Variants in KIF11 observed in about 807,000 individuals in gnomAD.
KIF11 encodes the protein kinesin-like protein KIF11.
Under a neutral mutation model 121.0 loss-of-function variants are expected in KIF11, and 9 were observed. The observed-to-expected ratio is 0.07, with a 90% CI of 0.04 to 0.13. The LOEUF (loss-of-function observed/expected upper bound fraction) is 0.13, where lower values mean the gene tolerates loss of function less well. Ranked by LOEUF, KIF11 falls within the 10% of genes least tolerant of loss-of-function variation. The pLI is 1.00. For missense variants in KIF11, 846 were observed against 1,217.5 expected, an observed-to-expected ratio of 0.69 and a Z score of 4.54; for synonymous variants, 408 against 421.0, an observed-to-expected ratio of 0.97 and a Z score of 0.38.
chr10:92,597,947 G>T (rs556255111), intron 1 of KIF11, among the ~76,000 whole-genome samples: 1 of 149,872 alleles, frequency 6.7e-6, no homozygotes, highest in South Asian at 2.2e-4. Flanking sequence ...CCGTGCCTGG[G>T]CTATTTTTTT....
Position 92,649,979 on chromosome 10 carries a change from C to G in KIF11, c.2915C>G (p.Thr972Arg). The change falls in exon 20 of 22, where the codon ACA becomes AGA. Residue 972 changes from threonine (T) to arginine (R), a missense_variant. Physicochemically the swap from Thr to Arg is moderately conservative, Grantham distance 71. Transcript: ENST00000260731. Reference sequence around the variant, plus strand: ...TGTTCAGAAAACAACAAAGAAGAGACAATTCCGGTAAATTTAAAGGATCAT... The same window carrying G: ...TGTTCAGAAAACAACAAAGAAGAGAGAATTCCGGTAAATTTAAAGGATCAT... ...LNCSENNKEE[T>R]IPDVDVEEAV... The G allele has an allele frequency of 1.2e-6, 2 of 1,607,690 alleles. No homozygotes were observed. The highest frequency in any genetic ancestry group is 1.7e-6 in the Non-Finnish European group (2 of 1,175,254).
intron 10 of KIF11, 139 bp downstream of exon 10, chr10:92,621,612 T>TGTGTGTGTGTGTGTGTGTC: frequency 2.0e-6 from 1 of 498,774 alleles, no homozygotes; most frequent in Non-Finnish European, 3.3e-6. Context: ...GTGTGTGTGT[T>TGTGTGTGTGTGTGTGTGTC]TTCTTTTGAG....
intron 1 of KIF11, among the ~76,000 whole-genome samples, chr10:92,594,205 G>A (rs1406192037): frequency 6.6e-6 from 1 of 152,192 alleles, no homozygotes; most frequent in African/African-American, 2.4e-5. Context: ...CGTTTTTGTG[G>A]CTGTTAACAG....
chr10:92,630,981 T>A (rs1429949070), intron 12 of KIF11, among the ~76,000 whole-genome samples: 1 of 150,420 alleles, frequency 6.6e-6, no homozygotes, highest in Non-Finnish European at 1.5e-5. Flanking sequence ...ACCTAATTAG[T>A]CATTAAGAAT....
chr10:92,636,230 T>C (rs1435569743), intron 14 of KIF11, among the ~76,000 whole-genome samples: 1 of 152,238 alleles, frequency 6.6e-6, no homozygotes, highest in African/African-American at 2.4e-5. Flanking sequence ...TCTTAAAATA[T>C]ACCTGTAGGT....
At chr10:92,601,458 C>T (rs555859312) in intron 1 of KIF11, among the ~76,000 whole-genome samples, 46 of 152,098 alleles carry the variant, frequency 3.0e-4, no homozygotes, top group African/African-American at 1.1e-3. Flanking sequence ...ATCCGCCTGC[C>T]TCAGCCTTCC....
In KIF11 at chr10:92,645,225, ATTTAC is replaced by A. The variant is rs528894837; in HGVS notation, c.2268-136_2268-132del. The A allele has an allele frequency of 9.6e-4, 588 of 609,578 alleles. 1 individual carries two copies. The highest frequency in any genetic ancestry group is 1.6e-3 in the Non-Finnish European group (547 of 352,890). The allele number at this position is 609,578 out of a possible 1,614,324, so 37.8% of individuals were successfully genotyped here. A position where few individuals can be genotyped will look rare whatever the true frequency, so the allele number is the denominator to read the frequency against. On this transcript the variant is annotated intron_variant, in intron 17 of 21. Transcript: ENST00000260731. ...AAGGCATCCATTCTCAATGCAGAAGATTTACTAAGATCACGGGCCCTGGAGCCAGA... is the reference window on the plus strand; with the variant it reads ...AAGGCATCCATTCTCAATGCAGAAGATAAGATCACGGGCCCTGGAGCCAGA...
chr10:92,623,270 A>G (rs2135910819), intron 10 of KIF11, among the ~76,000 whole-genome samples: 1 of 152,278 alleles, frequency 6.6e-6, no homozygotes, highest in African/African-American at 2.4e-5. Context: ...TAATCTGTTC[A>G]CTTTTTAAAG....
At chr10:92,629,849 C>T (rs370799583) in intron 11 of KIF11, among the ~76,000 whole-genome samples, 4 of 152,116 alleles carry the variant, frequency 2.6e-5, no homozygotes, top group African/African-American at 9.7e-5. Context: ...AACTATGGGG[C>T]TCAAGTGATC....
intron 1 of KIF11, among the ~76,000 whole-genome samples, chr10:92,597,569 CTCT>C (rs1280887437): frequency 6.6e-6 from 1 of 151,672 alleles, no homozygotes; most frequent in Non-Finnish European, 1.5e-5. Flanking sequence ...GGCCAGAGTT[CTCT>C]TTTTTTTACC....
At chr10:92,621,629 T>G (rs895955103) in intron 10 of KIF11, among the ~76,000 whole-genome samples, 156 bp downstream of exon 10, 1 of 152,200 alleles carries the variant, frequency 6.6e-6, no homozygotes, top group South Asian at 2.1e-4. Flanking sequence ...TGAGACAAGG[T>G]CTCGCACTGT....
At chr10:92,648,122 AT>A in intron 18 of KIF11, 89 bp from the exon 19 acceptor site, 6 of 921,602 alleles carry the variant, frequency 6.5e-6, no homozygotes, top group Admixed American at 3.0e-5. Context: ...AAAAAAAAAA[AT>A]TATGGAAAAG....
intron 10 of KIF11, among the ~76,000 whole-genome samples, chr10:92,625,099 C>T (rs1196158803): frequency 6.6e-6 from 1 of 151,886 alleles, no homozygotes; most frequent in African/African-American, 2.4e-5. Context: ...TTTGAGAAGT[C>T]GCCAAACTAC....
intron 19 of KIF11, 109 bp downstream of exon 19, chr10:92,648,543 T>A: frequency 4.7e-6 from 3 of 638,488 alleles, no homozygotes; most frequent in Non-Finnish European, 8.0e-6. Context: ...GACAGAAATT[T>A]AACATCTCAC....
chr10:92,621,082 T>C (rs1207360438), intron 9 of KIF11, among the ~76,000 whole-genome samples: 1 of 152,228 alleles, frequency 6.6e-6, no homozygotes, highest in Non-Finnish European at 1.5e-5. Context: ...AATCAGATGC[T>C]TTTATAAGGA....
intron 14 of KIF11, among the ~76,000 whole-genome samples, chr10:92,636,608 C>T (rs1426117967): frequency 6.6e-6 from 1 of 150,950 alleles, no homozygotes; most frequent in Non-Finnish European, 1.5e-5. Flanking sequence ...GAGAGTGAAA[C>T]TATATCTCAA....
chr10:92,594,926 C>T (rs1844277194), intron 1 of KIF11, among the ~76,000 whole-genome samples: 1 of 151,898 alleles, frequency 6.6e-6, no homozygotes, highest in Non-Finnish European at 1.5e-5. Flanking sequence ...GTGCGTCTGT[C>T]ATTAAGCATT....
At chr10:92,650,606 A>G (rs1844970508) in intron 21 of KIF11, 89 bp downstream of exon 21, 1 of 754,436 alleles carries the variant, frequency 1.3e-6, no homozygotes, top group Non-Finnish European at 2.3e-6. Context: ...TGAGCAGAAC[A>G]ACAAAAACCT....
chr10:92,600,027 A>G (rs1844351554), intron 1 of KIF11, among the ~76,000 whole-genome samples: 1 of 140,068 alleles, frequency 7.1e-6, no homozygotes, highest in South Asian at 2.3e-4. Flanking sequence ...ATTTTTTGAG[A>G]TGAAATCTCG....
Sources: gnomAD v4.1 joint callset for allele counts (sites outside exome capture counted in the v4.1 genomes callset) on GRCh38, gnomAD v4.1.1 for gene constraint, MANE v1.5 for transcripts, NCBI Gene and HGNC (gene_info 2026-07-23, HGNC 2026-07-21) for gene names.